The following AHI1 variants were observed in gnomAD, a reference collection of about 807,000 sequenced individuals.
AHI1 encodes the protein jouberin.
Under a neutral mutation model 149.3 loss-of-function variants are expected in AHI1, and 123 were observed. That is an observed-to-expected ratio of 0.82 (90% CI 0.71 to 0.96). The LOEUF is 0.96. AHI1 is among the 40% of genes least tolerant of loss of function. The pLI is 0.00. For missense variants in AHI1, 1,439 were observed against 1,422.7 expected (o/e 1.01, Z -0.18); for synonymous variants, 475 against 459.8 (o/e 1.03, Z -0.42).
chr6:135,286,482 T>C (rs921087831), intron 28 of AHI1: 7 of 152,208 alleles, frequency 4.6e-5, no homozygotes, highest in African/African-American at 1.7e-4. Flanking sequence ...TTCAGAACGA[T>C]GGCAAATCTG....
chr6:135,480,888 G>A (rs932538440), intron 5 of AHI1, among the ~76,000 whole-genome samples: 12 of 152,268 alleles, frequency 7.9e-5, no homozygotes, highest in Admixed American at 2.6e-4. Flanking sequence ...TACAAATGAC[G>A]CAGGCAAGAG....
At chr6:135,387,996 CCATAATATA>C (rs762589948) in intron 23 of AHI1, 10 of 1,613,652 alleles carry the variant, frequency 6.2e-6, no homozygotes, top group Non-Finnish European at 8.5e-6. Context: ...GCTTTTTCCA[CCATAATATA>C]CATGTGTTGA....
intron 23 of AHI1, 61 bp downstream of exon 23, chr6:135,394,715 T>A (rs747721889): frequency 1.3e-6 from 2 of 1,590,744 alleles, no homozygotes; most frequent in Admixed American, 3.5e-5. Context: ...TAAGTGATAT[T>A]CATCAACACA....
chr6:135,356,623 T>C (rs1035089307), intron 24 of AHI1, among the ~76,000 whole-genome samples: 1 of 152,184 alleles, frequency 6.6e-6, no homozygotes, highest in Admixed American at 6.5e-5. Context: ...AATATATTAT[T>C]CAAATACATT....
chr6:135,327,449 C>T (rs1277386173), intron 24 of AHI1, among the ~76,000 whole-genome samples: 1 of 152,146 alleles, frequency 6.6e-6, no homozygotes, highest in Non-Finnish European at 1.5e-5. Context: ...CATCGTAATA[C>T]CATTGTTGAC....
rs1789788547 is a variant in AHI1, at chr6:135,338,602, C to G, written c.3166-15278G>C. ...CACTGGGATTAACTGTCAAAATCAA[C>G]TTTATCAGAACTCTGAAAACTAACT... On this transcript the variant is annotated intron_variant, in intron 24 of 28. Transcript: ENST00000265602. 2.0e-5 allele frequency among the ~76,000 whole-genome samples: 3 copies of G among 152,212 alleles called. No individual in the cohort carries two copies. In the South Asian group the frequency reaches 6.2e-4, roughly 32 times the overall value.
Position 135,455,888 on chromosome 6 carries a change from A to T in AHI1, c.1190T>A (p.Val397Glu). The T allele has an allele frequency of 6.5e-7, 1 of 1,548,062 alleles. No individual in the cohort carries two copies. Residue 397 changes from valine to glutamate, a missense_variant, in exon 10 of 29, where the codon GTG (valine) becomes GAG (glutamate). Val to Glu is a moderately radical substitution (Grantham distance 121). Coordinates refer to ENST00000265602, the MANE Select transcript of AHI1 (RefSeq NM_001134831.2). ...GGTCATAATAGGAAGAATATAATCC[A>T]CATTCTCTTTTTCATAGTAAGATGA... ...PVSSYYEKEN[V>E]DYILPIMTQP...
intron 5 of AHI1, among the ~76,000 whole-genome samples, chr6:135,484,321 C>T (rs1264323099): frequency 6.6e-6 from 1 of 152,140 alleles, no homozygotes; most frequent in Non-Finnish European, 1.5e-5. Context: ...TACCTTTCTA[C>T]CAGCATTCTA....
intron 13 of AHI1, among the ~76,000 whole-genome samples, chr6:135,444,147 G>C (rs1294617658): frequency 6.6e-6 from 1 of 152,094 alleles, no homozygotes; most frequent in African/African-American, 2.4e-5. Flanking sequence ...AAATCATGCT[G>C]GTTCCTACTT....
intron 21 of AHI1, among the ~76,000 whole-genome samples, chr6:135,409,358 T>C (rs970740673): frequency 6.6e-6 from 1 of 152,150 alleles, no homozygotes; most frequent in Non-Finnish European, 1.5e-5. Context: ...CTTTTAAAAT[T>C]AGTATGTTTT....
chr6:135,449,462 C>T (rs1787758480), intron 11 of AHI1, among the ~76,000 whole-genome samples: 1 of 152,160 alleles, frequency 6.6e-6, no homozygotes, highest in Non-Finnish European at 1.5e-5. Flanking sequence ...ACCTTTATGT[C>T]TTCTGCAAAT....
chr6:135,495,159 C>T (rs1374438299), intron 3 of AHI1, among the ~76,000 whole-genome samples: 2 of 149,448 alleles, frequency 1.3e-5, no homozygotes, highest in East Asian at 3.9e-4. Context: ...AAGATTGTTT[C>T]CACGCCGCTA....
chr6:135,442,203 A>G (rs1386308178), intron 14 of AHI1, among the ~76,000 whole-genome samples: 1 of 152,106 alleles, frequency 6.6e-6, no homozygotes, highest in Non-Finnish European at 1.5e-5. Context: ...CTACACAGCA[A>G]ATCTGGAGGC....
intron 24 of AHI1, among the ~76,000 whole-genome samples, chr6:135,336,336 C>T (rs1789383390): frequency 6.6e-6 from 1 of 152,014 alleles, no homozygotes; most frequent in African/African-American, 2.4e-5. Flanking sequence ...GTGGCTCACA[C>T]TTGTAAATCC....
chr6:135,442,075 T>C (rs75039172), intron 14 of AHI1, among the ~76,000 whole-genome samples: 2 of 152,142 alleles, frequency 1.3e-5, no homozygotes, highest in African/African-American at 4.8e-5. Context: ...AGTATGATAA[T>C]GCTCACTTTA....
chr6:135,365,779 T>C (rs1443292013), intron 23 of AHI1, among the ~76,000 whole-genome samples: 1 of 152,202 alleles, frequency 6.6e-6, no homozygotes, highest in African/African-American at 2.4e-5. Flanking sequence ...TTGACTTCTT[T>C]ACTGATTTGA....
chr6:135,424,327 G>T (rs937684610), intron 20 of AHI1, among the ~76,000 whole-genome samples: 3 of 151,974 alleles, frequency 2.0e-5, no homozygotes, highest in African/African-American at 7.2e-5. Context: ...CAAACAAAAT[G>T]CTATGTAAGT....
At chr6:135,448,183 T>G in intron 12 of AHI1, 107 bp downstream of exon 12, 4 of 734,362 alleles carry the variant, frequency 5.4e-6, no homozygotes, top group Non-Finnish European at 7.7e-6. Flanking sequence ...AGAAATCTAT[T>G]AAAATTATTA....
intron 26 of AHI1, among the ~76,000 whole-genome samples, chr6:135,316,698 GA>G (rs1786004095): frequency 6.6e-6 from 1 of 151,534 alleles, no homozygotes; most frequent in Non-Finnish European, 1.5e-5. Flanking sequence ...ATAGCTCTAT[GA>G]CATACTTTCT....
Sources: allele counts gnomAD v4.1 joint callset (sites outside exome capture counted in the v4.1 genomes callset), GRCh38; gene constraint gnomAD v4.1.1; transcripts MANE v1.5; gene names NCBI Gene and HGNC (gene_info 2026-07-23, HGNC 2026-07-21).